Variants in CNTLN observed in about 807,000 individuals in gnomAD.
CNTLN encodes the protein centlein, centrosomal protein.
A neutral mutation model predicts 180.0 loss-of-function variants in CNTLN; 212 were observed. The observed-to-expected ratio is 1.18, with a 90% CI of 1.05 to 1.32. The LOEUF (loss-of-function observed/expected upper bound fraction) is 1.32, where lower values mean the gene tolerates loss of function less well. Ranked by LOEUF, CNTLN falls within the 40% of genes most tolerant of loss-of-function variation. The pLI is 0.00. For missense variants in CNTLN, 2,095 were observed against 1,610.9 expected (o/e 1.30, Z -5.14); for synonymous variants, 722 against 563.1 (o/e 1.28, Z -3.99).
At chr9:17,514,796 A>G in the CNTLN span, among the ~76,000 whole-genome samples, 1 of 152,218 alleles carries the variant, frequency 6.6e-6, no homozygotes, top group African/African-American at 2.4e-5. Flanking sequence ...TTTGGCATAC[A>G]GAATTATTGT....
intron 12 of CNTLN, among the ~76,000 whole-genome samples, chr9:17,360,457 A>T (rs1040582970): frequency 1.3e-5 from 2 of 152,160 alleles, no homozygotes; most frequent in African/African-American, 4.8e-5. Context: ...CAGGATTTTG[A>T]TTGAAGACAG....
In CNTLN at chr9:17,298,331, T is replaced by C; in HGVS notation, c.1125T>C (p.Ala375=). 6.2e-7 allele frequency: 1 copy of C among 1,612,206 alleles called. No homozygotes were observed. The highest frequency in any genetic ancestry group is 1.1e-5 in the South Asian group (1 of 90,524). The change falls in exon 7 of 26, where the codon GCT becomes GCC. Residue 375 remains alanine, a synonymous_variant. Coordinates refer to ENST00000380647, the MANE Select transcript of CNTLN (RefSeq NM_017738.4). ...GAAATCAGGAAGATGTTCACACAGC[T>C]GAAAGTATATCATATCAAAAAGTAT... ...VLRNQEDVHT[A]ESISYQKLYN...
chr9:17,373,006 A>C (rs1452170128), intron 13 of CNTLN, among the ~76,000 whole-genome samples: 3 of 152,184 alleles, frequency 2.0e-5, no homozygotes, highest in African/African-American at 7.2e-5. Context: ...CATATAGGAC[A>C]GAGCTATTGC....
chr9:17,398,570 C>T (rs1208449611), intron 15 of CNTLN, among the ~76,000 whole-genome samples: 1 of 152,310 alleles, frequency 6.6e-6, no homozygotes, highest in East Asian at 1.9e-4. Context: ...CAAGCTCGTT[C>T]TGTGCAGACT....
In CNTLN at chr9:17,178,982, C is replaced by T. The variant is rs370996886; in HGVS notation, c.449+35606C>T. Among the ~76,000 whole-genome samples the T allele has an allele frequency of 2.4e-3, 344 of 146,126 alleles. 22 individuals are homozygous for T. Among genetic ancestry groups the T allele is most frequent in the African/African-American group, 8.8e-3 (330 of 37,292 alleles). ...ATTATTGGCCGGGCGCGGTGGCTCA[C>T]GCCTGTAATCCCAGCACTTTGGGAG... is the stretch of plus-strand genomic sequence containing the variant. On this transcript the variant is annotated intron_variant, in intron 2 of 25. Coordinates refer to ENST00000380647, the MANE Select transcript of CNTLN (RefSeq NM_017738.4).
At chr9:17,290,837 A>G (rs899924686) in intron 6 of CNTLN, among the ~76,000 whole-genome samples, 2 of 152,188 alleles carry the variant, frequency 1.3e-5, no homozygotes, top group Non-Finnish European at 2.9e-5. Flanking sequence ...CGCGCTTCCC[A>G]GGTGAGGCAA....
intron 8 of CNTLN, among the ~76,000 whole-genome samples, chr9:17,313,219 G>A (rs962553169): frequency 2.0e-5 from 3 of 152,132 alleles, no homozygotes; most frequent in South Asian, 2.1e-4. Context: ...TATTTAAAGC[G>A]TATATATTCG....
intron 6 of CNTLN, among the ~76,000 whole-genome samples, chr9:17,282,547 T>G (rs1341399800): frequency 6.6e-6 from 1 of 152,164 alleles, no homozygotes; most frequent in Admixed American, 6.6e-5. Flanking sequence ...GCCTGTTCAC[T>G]TGATGATAGT....
At chr9:17,332,482 C>T in intron 9 of CNTLN, 123 bp from the exon 10 acceptor site, 2 of 780,964 alleles carry the variant, frequency 2.6e-6, no homozygotes, top group Non-Finnish European at 3.7e-6. Context: ...GTATTCCATG[C>T]AGGATTTTTT....
rs866553846 is a variant in CNTLN at position 17,342,387 on chromosome 9, CT to C, written c.1830del (p.Val611CysfsTer15). The C allele has an allele frequency of 4.3e-6, 7 of 1,611,534 alleles. No individual in the cohort carries two copies. The highest frequency in any genetic ancestry group is 5.9e-6 in the Non-Finnish European group (7 of 1,178,828). ...CAACTTCGACAAGAAGATTCTGACG[CT>C]GTGTGGAATGAACTGGCATATTTCA... is the stretch of plus-strand genomic sequence containing the variant. ...PQQLRQEDSD[A>X]VWNELAYFKR... On this transcript the variant is annotated frameshift_variant, in exon 12 of 26. Transcript: ENST00000380647. LOFTEE classifies it high-confidence loss of function.
chr9:17,432,513 A>G (rs1469803401), intron 18 of CNTLN, among the ~76,000 whole-genome samples: 2 of 152,148 alleles, frequency 1.3e-5, no homozygotes, highest in African/African-American at 4.8e-5. Context: ...AAGATATATG[A>G]GTTATGAAGG....
chr9:17,247,284 G>T (rs1310504708), intron 5 of CNTLN, among the ~76,000 whole-genome samples: 1 of 152,080 alleles, frequency 6.6e-6, no homozygotes, highest in Non-Finnish European at 1.5e-5. Context: ...TTGTGACAGG[G>T]CTTGCCTGAA....
intron 2 of CNTLN, among the ~76,000 whole-genome samples, chr9:17,178,985 C>G (rs1587023015): frequency 6.8e-6 from 1 of 146,122 alleles, no homozygotes; most frequent in East Asian, 2.0e-4. Flanking sequence ...TGGCTCACGC[C>G]TGTAATCCCA....
At chr9:17,167,816 G>A (rs1439061763) in intron 2 of CNTLN, 5 of 152,140 alleles carry the variant, frequency 3.3e-5, no homozygotes, top group African/African-American at 1.2e-4. Flanking sequence ...TAAGTATTAT[G>A]TTAAAAAACT....
At chr9:17,354,395 G>T (rs1486875042) in intron 12 of CNTLN, among the ~76,000 whole-genome samples, 1 of 152,226 alleles carries the variant, frequency 6.6e-6, no homozygotes, top group East Asian at 1.9e-4. Context: ...AGCCAGCTGG[G>T]CTTCTGAGTC....
At chr9:17,321,894 A>G (rs956604471) in intron 8 of CNTLN, among the ~76,000 whole-genome samples, 1 of 152,046 alleles carries the variant, frequency 6.6e-6, no homozygotes, top group South Asian at 2.1e-4. Context: ...TTCTCTAGGT[A>G]TCTTACTGTA....
At chr9:17,297,494 C>T (rs544756386) in intron 6 of CNTLN, among the ~76,000 whole-genome samples, 1 of 152,288 alleles carries the variant, frequency 6.6e-6, no homozygotes, top group South Asian at 2.1e-4. Context: ...CCACAGCAAT[C>T]TGGAAACCTC....
chr9:17,239,395 T>G (rs2132179234), intron 5 of CNTLN, among the ~76,000 whole-genome samples: 1 of 152,358 alleles, frequency 6.6e-6, no homozygotes, highest in Non-Finnish European at 1.5e-5. Context: ...ATATATACAT[T>G]GAAACTATTT....
intron 10 of CNTLN, among the ~76,000 whole-genome samples, chr9:17,333,523 G>T (rs1820783771): frequency 6.6e-6 from 1 of 152,082 alleles, no homozygotes; most frequent in Non-Finnish European, 1.5e-5. Flanking sequence ...ATGAAGCTCA[G>T]ATTCTTTGTC....
Sources: gnomAD v4.1 joint callset for allele counts (sites outside exome capture counted in the v4.1 genomes callset) on GRCh38, gnomAD v4.1.1 for gene constraint, MANE v1.5 for transcripts, NCBI Gene and HGNC (gene_info 2026-07-23, HGNC 2026-07-21) for gene names.